The following PLCL2 variants were observed in gnomAD, a reference collection of about 807,000 sequenced individuals.
PLCL2 encodes the protein phospholipase C like 2.
Under a neutral mutation model 79.6 loss-of-function variants are expected in PLCL2, and 4 were observed. The ratio of observed to expected loss-of-function variants is 0.05; its 90% CI spans 0.02 to 0.11. The LOEUF (loss-of-function observed/expected upper bound fraction) is 0.11. PLCL2 is among the 10% of genes least tolerant of loss of function. The pLI is 1.00. For synonymous variants in PLCL2, 484 were observed against 457.7 expected, an observed-to-expected ratio of 1.06 and a Z score of -0.73; for missense variants, 895 against 1,291.0, an observed-to-expected ratio of 0.69 and a Z score of 4.70.
intron 1 of PLCL2, among the ~76,000 whole-genome samples, chr3:16,956,472 A>T (rs1302143013): frequency 6.6e-6 from 1 of 152,086 alleles, no homozygotes; most frequent in South Asian, 2.1e-4. Flanking sequence ...TTCATCAAGG[A>T]TATTGGTCTA....
intron 1 of PLCL2, among the ~76,000 whole-genome samples, chr3:16,908,640 A>G (rs1338069698): frequency 6.6e-6 from 1 of 152,166 alleles, no homozygotes; most frequent in Non-Finnish European, 1.5e-5. Context: ...GGCACAGGGA[A>G]CAGCATAAGC....
intron 4 of PLCL2, among the ~76,000 whole-genome samples, chr3:17,058,025 C>G (rs1341078387): frequency 6.6e-6 from 1 of 152,140 alleles, no homozygotes; most frequent in Non-Finnish European, 1.5e-5. Context: ...TAAGTGCAGC[C>G]TAGGTTGTAA....
chr3:16,952,001 GA>G (rs1470809093), intron 1 of PLCL2, among the ~76,000 whole-genome samples: 1 of 151,980 alleles, frequency 6.6e-6, no homozygotes, highest in African/African-American at 2.4e-5. Flanking sequence ...GCCTGAGCGA[GA>G]AGCCATCTAT....
chr3:16,981,097 CT>C (rs1483576007), intron 1 of PLCL2, among the ~76,000 whole-genome samples: 3 of 152,188 alleles, frequency 2.0e-5, no homozygotes, highest in African/African-American at 7.2e-5. Context: ...TACCGTCCAG[CT>C]TCGGCTCGGC....
At chr3:16,942,678 C>T (rs893626290) in intron 1 of PLCL2, among the ~76,000 whole-genome samples, 2 of 152,088 alleles carry the variant, frequency 1.3e-5, no homozygotes, top group Non-Finnish European at 2.9e-5. Flanking sequence ...ACTTTTATTG[C>T]TTTCTCATGT....
chr3:16,908,452 C>T (rs574061958), intron 1 of PLCL2, among the ~76,000 whole-genome samples: 6 of 152,162 alleles, frequency 3.9e-5, no homozygotes, highest in East Asian at 3.8e-4. Flanking sequence ...CAATGGTTGA[C>T]GTGTCTCTTT....
intron 1 of PLCL2, among the ~76,000 whole-genome samples, chr3:16,932,303 T>A (rs1697422795): frequency 6.6e-6 from 1 of 152,252 alleles, no homozygotes; most frequent in Admixed American, 6.5e-5. Flanking sequence ...TCAATATCTA[T>A]CTTTATTTCA....
At chr3:17,027,986 A>G (rs1200175999) in intron 3 of PLCL2, among the ~76,000 whole-genome samples, 2 of 152,360 alleles carry the variant, frequency 1.3e-5, no homozygotes, top group East Asian at 1.9e-4. Context: ...TAACATTTGT[A>G]ACTAATTTAA....
rs779520763 is a variant in PLCL2, at chr3:17,081,952, G to A, written c.3205-7781G>A. On this transcript the variant is annotated intron_variant, in intron 5 of 5. Coordinates refer to ENST00000615277, the MANE Select transcript of PLCL2 (RefSeq NM_001144382.2). Reference sequence around the variant, plus strand: ...TAAAAAAATTCAAACCAGAATGTGCGAAATCAAATGACATTTGAGTTGTTC... The same window carrying A: ...TAAAAAAATTCAAACCAGAATGTGCAAAATCAAATGACATTTGAGTTGTTC... Among the ~76,000 whole-genome samples the A allele has an allele frequency of 5.4e-4, 82 of 152,192 alleles. 1 individual carries two copies. The highest frequency in any genetic ancestry group is 3.3e-4 in the Admixed American group (5 of 15,280).
chr3:16,912,543 G>C (rs1486168049), intron 1 of PLCL2, among the ~76,000 whole-genome samples: 1 of 152,190 alleles, frequency 6.6e-6, no homozygotes, highest in African/African-American at 2.4e-5. Flanking sequence ...CACTTCAACA[G>C]TCATATTAGT....
At position 16,960,570 on chromosome 3, in the gene PLCL2, T is replaced by A. The variant is rs1188272049; in HGVS notation, c.328-49104T>A. ...AAGCTGCATTCTTTCTTTTGGTAAT[T>A]TTAGTTACGTTAAGTCCTTCTTGTT... On this transcript the variant is annotated intron_variant, in intron 1 of 5. Transcript: ENST00000615277. Among the ~76,000 whole-genome samples the A allele has an allele frequency of 4.0e-5, 4 of 98,808 alleles. No homozygotes were observed. In the East Asian group the frequency reaches 1.3e-3, roughly 32 times the overall value. The allele number at this position is 98,808 out of a possible 152,430, so 64.8% of individuals were successfully genotyped here.
At chr3:17,007,335 A>C (rs1435229775) in intron 1 of PLCL2, among the ~76,000 whole-genome samples, 1 of 152,200 alleles carries the variant, frequency 6.6e-6, no homozygotes, top group South Asian at 2.1e-4. Flanking sequence ...AGAAAATTAT[A>C]CATTTGTTTC....
chr3:17,020,117 C>G (rs556897048), intron 3 of PLCL2, among the ~76,000 whole-genome samples: 1 of 152,236 alleles, frequency 6.6e-6, no homozygotes, highest in South Asian at 2.1e-4. Flanking sequence ...CTCTAGCTAT[C>G]TTTATTAGAT....
intron 1 of PLCL2, among the ~76,000 whole-genome samples, chr3:16,934,834 C>A (rs1401735037): frequency 6.6e-6 from 1 of 152,108 alleles, no homozygotes; most frequent in Non-Finnish European, 1.5e-5. Flanking sequence ...AGGCAGAGAC[C>A]CTCAGCCCTC....
At chr3:17,081,188 A>T (rs1392594835) in intron 5 of PLCL2, 1 of 456,654 alleles carries the variant, frequency 2.2e-6, no homozygotes, top group Non-Finnish European at 4.4e-6. Flanking sequence ...TCCCAAATAG[A>T]TAAGAAAGAC....
chr3:16,920,752 T>C (rs1697107173), intron 1 of PLCL2, among the ~76,000 whole-genome samples: 3 of 152,344 alleles, frequency 2.0e-5, no homozygotes, highest in Middle Eastern at 6.8e-3. Flanking sequence ...ATACTGTGAA[T>C]AAATAGGATT....
At chr3:17,028,431 A>G (rs1038938568) in intron 3 of PLCL2, among the ~76,000 whole-genome samples, 10 of 148,182 alleles carry the variant, frequency 6.7e-5, no homozygotes, top group African/African-American at 2.5e-4. Flanking sequence ...TCCTTCTTAT[A>G]CTCGTCACAA....
chr3:17,090,328 C>G lies in PLCL2; in HGVS notation c.*416C>G. The G allele has an allele frequency of 1.2e-6, 1 of 867,798 alleles. No homozygotes were observed. Among genetic ancestry groups the G allele is most frequent in the Non-Finnish European group, 1.4e-6 (1 of 722,560 alleles). 53.8% of individuals were successfully genotyped at this position (867,798 alleles called of 1,614,324 possible). On this transcript the variant is annotated 3_prime_UTR_variant, in exon 6 of 6. Transcript: ENST00000615277. ...TTTACTTATATGGGGTTGCCAGAGT[C>G]TCTGGGTTCTAGATGATTTTGGTGG...
chr3:17,020,455 T>C (rs2064437285), intron 3 of PLCL2, among the ~76,000 whole-genome samples: 1 of 152,146 alleles, frequency 6.6e-6, no homozygotes, highest in South Asian at 2.1e-4. Context: ...ACACAGCAAA[T>C]GGGCAGCCCC....
Sources: allele counts gnomAD v4.1 joint callset (sites outside exome capture counted in the v4.1 genomes callset), GRCh38; gene constraint gnomAD v4.1.1; transcripts MANE v1.5; gene names NCBI Gene and HGNC (gene_info 2026-07-23, HGNC 2026-07-21).